PDE2A: variants seen among roughly 807,000 people sequenced by gnomAD.
PDE2A encodes the protein cGMP-dependent 3',5'-cyclic phosphodiesterase.
PDE2A carries 53 observed loss-of-function variants against 133.6 expected under a neutral mutation model. The ratio of observed to expected loss-of-function variants is 0.40; its 90% CI spans 0.32 to 0.50. PDE2A has a LOEUF of 0.50. Among genes scored for constraint, PDE2A ranks in the 20% least tolerant of loss-of-function variants. The pLI, the probability that PDE2A is intolerant of heterozygous loss-of-function variation, is 0.73. For missense variants in PDE2A, 796 were observed against 1,232.4 expected, an observed-to-expected ratio of 0.65 and a Z score of 5.30; for synonymous variants, 491 against 490.2, an observed-to-expected ratio of 1.00 and a Z score of -0.02.
At chr11:72,641,402 G>C (rs991945635) in intron 2 of PDE2A, among the ~76,000 whole-genome samples, 1 of 152,238 alleles carries the variant, frequency 6.6e-6, no homozygotes, top group Non-Finnish European at 1.5e-5. Context: ...CAAAGCAGAG[G>C]TAGATACAAG....
chr11:72,667,786 G>A (rs531631851), intron 1 of PDE2A, among the ~76,000 whole-genome samples: 1 of 151,532 alleles, frequency 6.6e-6, no homozygotes, highest in East Asian at 1.9e-4. Flanking sequence ...CCAGGCAGGA[G>A]GATAGCTTCA....
At chr11:72,638,271 G>A (rs1238487471) in intron 2 of PDE2A, among the ~76,000 whole-genome samples, 1 of 152,240 alleles carries the variant, frequency 6.6e-6, no homozygotes, top group Non-Finnish European at 1.5e-5. Context: ...TGCCTGATGA[G>A]ATGAGAGTCC....
chr11:72,584,188 AC>A lies in PDE2A; in HGVS notation c.1650+12del. 1 of 1,446,280 alleles carries A rather than the reference AC, an allele frequency of 6.9e-7. No individual in the cohort carries two copies. Among genetic ancestry groups the A allele is most frequent in the Non-Finnish European group, 9.7e-7 (1 of 1,031,888 alleles). 89.6% of individuals were successfully genotyped at this position (1,446,280 alleles called of 1,614,324 possible). On this transcript the variant is annotated intron_variant, in intron 19 of 30. Transcript: ENST00000334456. Reference sequence around the variant, plus strand: ...CCTATCACCCCACACCCCACTCCCAACCCCGCCCTCACATGGGCGATGCTGA... The same window carrying A: ...CCTATCACCCCACACCCCACTCCCAACCCGCCCTCACATGGGCGATGCTGA...
At chr11:72,603,162 C>T (rs1384482177) in intron 4 of PDE2A, among the ~76,000 whole-genome samples, 1 of 152,240 alleles carries the variant, frequency 6.6e-6, no homozygotes, top group Non-Finnish European at 1.5e-5. Flanking sequence ...GCTGTCCTCA[C>T]TCTCTTGCCT....
At chr11:72,596,684 GC>G in intron 5 of PDE2A, 36 bp from the exon 6 acceptor site, 1 of 1,360,628 alleles carries the variant, frequency 7.3e-7, no homozygotes, top group Non-Finnish European at 9.7e-7. Flanking sequence ...CTCCTGCAGG[GC>G]TGGCGAGGCT....
intron 20 of PDE2A, 55 bp downstream of exon 20, chr11:72,583,383 G>A: frequency 8.1e-7 from 1 of 1,231,576 alleles, no homozygotes. Flanking sequence ...GCCCTGCCTG[G>A]CCCTGGGTCC....
chr11:72,596,457 ATCTC>A (rs113104892), intron 6 of PDE2A, 132 bp downstream of exon 6: 4,266 of 162,330 alleles, frequency 0.026, 16 homozygotes, highest in East Asian at 0.077. Context: ...TATGGCTCCC[ATCTC>A]TCTCTCTCTC....
At position 72,591,658 on chromosome 11, in the gene PDE2A, C is replaced by G. The variant is rs147522796; in HGVS notation, c.490-302G>C. On this transcript the variant is annotated intron_variant, in intron 6 of 30. Transcript: ENST00000334456. ...TCAGGGGATGGAGGGACCTTAGACC[C>G]CTTTTTAGCTCACAGATTATGGAGC... Among the ~76,000 whole-genome samples the G allele has an allele frequency of 2.4e-3, 365 of 152,294 alleles. 3 individuals are homozygous for G. The highest frequency in any genetic ancestry group is 8.4e-3 in the African/African-American group (348 of 41,562).
intron 2 of PDE2A, among the ~76,000 whole-genome samples, chr11:72,630,681 CTG>C (rs1858330546): frequency 6.6e-6 from 1 of 151,890 alleles, no homozygotes; most frequent in Admixed American, 6.6e-5. Context: ...ATGGGGGAAA[CTG>C]AAAGCAAGCA....
At position 72,585,579 on chromosome 11, in the gene PDE2A, C is replaced by CTCTTGGCAAGA. The variant is rs760571770; in HGVS notation, c.1196_1197insTCTTGCCAAGA (p.Ala400LeufsTer81). On this transcript the variant is annotated frameshift_variant, in exon 15 of 31. Transcript: ENST00000334456. LOFTEE classifies it high-confidence loss of function. ...CCAGGTGGGTGAAGAGGTTCTTTGCCACTTGGAGAAGAGCCTGGAATGAAG... is the reference window on the plus strand; with the variant it reads ...CCAGGTGGGTGAAGAGGTTCTTTGCCTCTTGGCAAGAACTTGGAGAAGAGCCTGGAATGAAG... The CTCTTGGCAAGA allele has an allele frequency of 6.2e-7, 1 of 1,614,116 alleles. No homozygotes were observed. Among genetic ancestry groups the CTCTTGGCAAGA allele is most frequent in the Non-Finnish European group, 8.5e-7 (1 of 1,179,996 alleles).
chr11:72,598,284 C>T (rs1422277660), intron 4 of PDE2A, among the ~76,000 whole-genome samples: 2 of 152,176 alleles, frequency 1.3e-5, no homozygotes, highest in Non-Finnish European at 2.9e-5. Flanking sequence ...GTAGGTGGCA[C>T]CAGGGCTAGG....
rs1238201650 is a variant in PDE2A, at chr11:72,581,630, T to A, written c.1923-151A>T. On this transcript the variant is annotated intron_variant, in intron 22 of 30. Coordinates refer to ENST00000334456, the MANE Select transcript of PDE2A (RefSeq NM_002599.5). ...TCTTAGCAGGAAGTTCCTATGCACATCTAACTTAAACCTCTGGCTACACAC... is the reference window on the plus strand; with the variant it reads ...TCTTAGCAGGAAGTTCCTATGCACAACTAACTTAAACCTCTGGCTACACAC... 6.1e-6 allele frequency: 6 copies of A among 981,958 alleles called. No individual in the cohort carries two copies. The African/African-American group carries it at 9.8e-5, about 16-fold the overall frequency. 60.8% of individuals were successfully genotyped at this position (981,958 alleles called of 1,614,324 possible).
intron 2 of PDE2A, among the ~76,000 whole-genome samples, chr11:72,626,123 C>G (rs1233225289): frequency 6.6e-6 from 1 of 152,280 alleles, no homozygotes; most frequent in Non-Finnish European, 1.5e-5. Flanking sequence ...GCGAGCCTGG[C>G]GTGGTCTCAG....
chr11:72,583,558 T>C (rs1554987117), intron 19 of PDE2A, 43 bp from the exon 20 acceptor site: 1 of 1,391,918 alleles, frequency 7.2e-7, no homozygotes, highest in South Asian at 1.2e-5. Flanking sequence ...AAGGTGGCTG[T>C]GAAAATTTAG....
At chr11:72,626,335 G>A (rs1858064688) in intron 2 of PDE2A, among the ~76,000 whole-genome samples, 1 of 152,212 alleles carries the variant, frequency 6.6e-6, no homozygotes, top group Non-Finnish European at 1.5e-5. Context: ...GCACGCCCCG[G>A]GCCTGTGCAG....
At chr11:72,610,542 G>T (rs1857160732) in intron 2 of PDE2A, among the ~76,000 whole-genome samples, 1 of 152,046 alleles carries the variant, frequency 6.6e-6, no homozygotes, top group Admixed American at 6.5e-5. Flanking sequence ...GGCAGTAGTG[G>T]GCCTTCTCCC....
In PDE2A at chr11:72,579,317, G is replaced by A. The variant is rs200032329; in HGVS notation, c.2323C>T (p.Arg775Cys). The change falls in exon 27 of 31, where the codon CGC becomes TGC. Residue 775 changes from arginine to cysteine, a missense_variant. Arg to Cys is a radical substitution (Grantham distance 180, BLOSUM62 -3). This residue lies in a region of PDE2A where 218 missense variants were observed against 465.9 expected (regional missense o/e 0.47). Coordinates refer to ENST00000334456, the MANE Select transcript of PDE2A (RefSeq NM_002599.5). ...ILATDLAHHL[R>C]IFKDLQKMAE... ...ATCTTCTGGAGGTCCTTGAAGATGC[G>A]GAGATGGTGGGCCAGGTCTGTGGCC... 5.6e-5 allele frequency: 91 copies of A among 1,613,778 alleles called. No homozygotes were observed. Among genetic ancestry groups the A allele is most frequent in the East Asian group, 6.7e-5 (3 of 44,878 alleles).
chr11:72,590,227 C>A lies in PDE2A; in HGVS notation c.721G>T (p.Asp241Tyr), dbSNP rs1856174176. ...LQLCGELYDL[D>Y]ASSLQLKVLQ... is the part of the protein sequence containing the mutation. ...ACTTTGAGCTGCAGGGAAGAGGCAT[C>A]CAGGTCGTAGAGTTCCCCTGCAAGG... Residue 241 changes from aspartate to tyrosine, a missense_variant, in exon 9 of 31, where the codon GAT becomes TAT. Physicochemically the swap from Asp to Tyr is radical, Grantham distance 160 (BLOSUM62 -3). Coordinates refer to ENST00000334456, the MANE Select transcript of PDE2A (RefSeq NM_002599.5). This position sits in a 1 kb window ranked among gnomAD's most constrained non-coding sequence, Gnocchi z 4.8. 1 of 1,551,664 alleles carries A rather than the reference C, an allele frequency of 6.4e-7. No individual in the cohort carries two copies. Among genetic ancestry groups the A allele is most frequent in the East Asian group, 2.4e-5 (1 of 40,980 alleles).
intron 6 of PDE2A, among the ~76,000 whole-genome samples, 155 bp downstream of exon 6, chr11:72,596,438 A>T (rs1286089654): frequency 2.3e-5 from 1 of 42,870 alleles, no homozygotes; most frequent in Non-Finnish European, 4.4e-5. Flanking sequence ...CCCTCACTCC[A>T]TCCTCGCTTA....
Sources: allele counts gnomAD v4.1 joint callset (sites outside exome capture counted in the v4.1 genomes callset), GRCh38; gene constraint gnomAD v4.1.1; regional missense constraint gnomAD v4.1.1; non-coding constraint Gnocchi (gnomAD v3.1); transcripts MANE v1.5; gene names NCBI Gene and HGNC (gene_info 2026-07-23, HGNC 2026-07-21).